The following ZMYND11 variants were observed in gnomAD, a reference collection of about 807,000 sequenced individuals.
ZMYND11 encodes the protein zinc finger MYND domain-containing protein 11.
A neutral mutation model predicts 84.9 loss-of-function variants in ZMYND11; 9 were observed. That is an observed-to-expected ratio of 0.11 (90% confidence interval 0.06 to 0.18). The LOEUF (loss-of-function observed/expected upper bound fraction) is 0.18, where lower values mean the gene tolerates loss of function less well. Among genes scored for constraint, ZMYND11 ranks in the 10% least tolerant of loss-of-function variants. ZMYND11 has a pLI of 1.00. For missense variants in ZMYND11, 409 were observed against 761.0 expected, an observed-to-expected ratio of 0.54 and a Z score of 5.44; for synonymous variants, 250 against 244.1, an observed-to-expected ratio of 1.02 and a Z score of -0.23.
intron 2 of ZMYND11, among the ~76,000 whole-genome samples, chr10:193,214 G>A (rs1293560373): frequency 2.0e-5 from 3 of 152,058 alleles, no homozygotes; most frequent in Non-Finnish European, 4.4e-5. Context: ...CTTTTTATGT[G>A]GTAGGTAAGG....
chr10:193,709 C>G (rs1941030189), intron 2 of ZMYND11, among the ~76,000 whole-genome samples: 1 of 152,166 alleles, frequency 6.6e-6, no homozygotes, highest in Non-Finnish European at 1.5e-5. Context: ...AAGTTTTTAT[C>G]ACCCCAAAAG....
chr10:183,596 A>G (rs1848334727), intron 2 of ZMYND11, among the ~76,000 whole-genome samples: 1 of 152,188 alleles, frequency 6.6e-6, no homozygotes, highest in African/African-American at 2.4e-5. Context: ...CTATTTGGTT[A>G]CCATGTGGTA....
intron 8 of ZMYND11, 148 bp downstream of exon 8, chr10:240,259 A>G: frequency 1.6e-6 from 1 of 625,232 alleles, no homozygotes; most frequent in Non-Finnish European, 2.5e-6. Flanking sequence ...TAATCCCAGC[A>G]CTTTGGGAGG....
chr10:242,599 A>T (rs145639389), intron 10 of ZMYND11, among the ~76,000 whole-genome samples: 21 of 152,354 alleles, frequency 1.4e-4, no homozygotes, highest in African/African-American at 4.8e-4. Flanking sequence ...AGGAATAAAG[A>T]ATTCACATGC....
intron 4 of ZMYND11, among the ~76,000 whole-genome samples, chr10:231,364 A>C (rs1483917816): frequency 1.3e-5 from 2 of 152,192 alleles, no homozygotes; most frequent in East Asian, 3.9e-4. Flanking sequence ...TGCATAGATA[A>C]ATATGTCTGA....
intron 2 of ZMYND11, among the ~76,000 whole-genome samples, chr10:206,167 C>G (rs1944127239): frequency 6.6e-6 from 1 of 152,256 alleles, no homozygotes; most frequent in East Asian, 1.9e-4. Flanking sequence ...CAAGACTAGC[C>G]TGACCAACAT....
intron 14 of ZMYND11, among the ~76,000 whole-genome samples, chr10:251,630 A>G (rs554427272): frequency 1.3e-5 from 2 of 152,168 alleles, no homozygotes; most frequent in South Asian, 4.2e-4. Flanking sequence ...TCATGGTACT[A>G]CTGTTAGTTC....
intron 4 of ZMYND11, among the ~76,000 whole-genome samples, chr10:222,495 A>G (rs975858835): frequency 2.6e-5 from 4 of 152,210 alleles, no homozygotes; most frequent in African/African-American, 9.6e-5. Flanking sequence ...TCAGTTTTCA[A>G]TATGTAGACC....
At chr10:169,699 C>G (rs1554765103) in intron 1 of ZMYND11, among the ~76,000 whole-genome samples, 2 of 152,060 alleles carry the variant, frequency 1.3e-5, no homozygotes, top group South Asian at 2.1e-4. Context: ...GAGAGAATCT[C>G]TGAATGTGAG....
intron 4 of ZMYND11, among the ~76,000 whole-genome samples, chr10:224,324 A>G (rs1331638771): frequency 1.3e-5 from 2 of 152,240 alleles, no homozygotes; most frequent in Non-Finnish European, 2.9e-5. Context: ...GTGACTTTTC[A>G]TAATAAATCT....
Position 252,654 on chromosome 10 carries a change from G to T in ZMYND11, c.*184G>T, listed in dbSNP as rs3758506. 117 of 614,566 alleles carry T rather than the reference G, an allele frequency of 1.9e-4. No individual in the cohort carries two copies. In the East Asian group the frequency reaches 3.9e-3, roughly 20 times the overall value. The allele number at this position is 614,566 out of a possible 1,614,324, so 38.1% of individuals were successfully genotyped here. A position where few individuals can be genotyped will look rare whatever the true frequency, so the allele number is the denominator to read the frequency against. On this transcript the variant is annotated 3_prime_UTR_variant, in exon 15 of 15. Coordinates refer to ENST00000381604, the MANE Select transcript of ZMYND11 (RefSeq NM_001370100.5). This position sits in a 1 kb window ranked among gnomAD's most constrained non-coding sequence, Gnocchi z 4.6. ...TTAATGCTCCTCCGAAGTTTTTCAGGGGGTAAAAGTAACATCAGTGGAGGG... is the reference window on the plus strand; with the variant it reads ...TTAATGCTCCTCCGAAGTTTTTCAGTGGGTAAAAGTAACATCAGTGGAGGG...
At chr10:175,599 C>T (rs1304542267) in intron 1 of ZMYND11, among the ~76,000 whole-genome samples, 3 of 152,022 alleles carry the variant, frequency 2.0e-5, no homozygotes, top group Admixed American at 6.6e-5. Context: ...TAAAAAACTA[C>T]AAAATATAAT....
At chr10:215,380 A>G (rs1011067378) in intron 3 of ZMYND11, among the ~76,000 whole-genome samples, 2 of 152,202 alleles carry the variant, frequency 1.3e-5, no homozygotes, top group Admixed American at 1.3e-4. Context: ...TTGGTCTCAC[A>G]GCCTCATTTC....
intron 2 of ZMYND11, among the ~76,000 whole-genome samples, chr10:202,337 TAAC>T (rs1399050697): frequency 1.3e-5 from 2 of 152,180 alleles, no homozygotes; most frequent in African/African-American, 4.8e-5. Context: ...CTTAAGAACA[TAAC>T]AATATATATT....
At chr10:226,825 A>G (rs1948221956) in intron 4 of ZMYND11, among the ~76,000 whole-genome samples, 1 of 152,216 alleles carries the variant, frequency 6.6e-6, no homozygotes, top group Admixed American at 6.5e-5. Context: ...TATATCATTA[A>G]CAAACTTTGG....
intron 2 of ZMYND11, among the ~76,000 whole-genome samples, chr10:208,640 T>C (rs966484276): frequency 6.6e-6 from 1 of 152,204 alleles, no homozygotes; most frequent in African/African-American, 2.4e-5. Flanking sequence ...TCGAGGACAT[T>C]AGCACATTTT....
chr10:196,229 A>G (rs1392875825), intron 2 of ZMYND11, among the ~76,000 whole-genome samples: 1 of 152,218 alleles, frequency 6.6e-6, no homozygotes, highest in Non-Finnish European at 1.5e-5. Flanking sequence ...TGGAAGTTAC[A>G]TTATTGACAT....
intron 1 of ZMYND11, among the ~76,000 whole-genome samples, chr10:160,146 A>G (rs139481326): frequency 3.5e-3 from 539 of 152,318 alleles, no homozygotes; most frequent in African/African-American, 0.012. Context: ...TACCCTGGAT[A>G]TATTGTGGGT....
At chr10:235,567 AC>A (rs1949810548) in intron 4 of ZMYND11, among the ~76,000 whole-genome samples, 1 of 152,216 alleles carries the variant, frequency 6.6e-6, no homozygotes, top group Non-Finnish European at 1.5e-5. Context: ...AGGCCCTGCC[AC>A]CAGAAGTCAC....
Sources: allele counts gnomAD v4.1 joint callset (sites outside exome capture counted in the v4.1 genomes callset), GRCh38; gene constraint gnomAD v4.1.1; non-coding constraint Gnocchi (gnomAD v3.1); transcripts MANE v1.5; gene names NCBI Gene and HGNC (gene_info 2026-07-23, HGNC 2026-07-21).